The following CD109 variants were observed in gnomAD, a reference collection of about 807,000 sequenced individuals.
The protein encoded by CD109 is CD109 antigen.
In CD109, 149 loss-of-function variants were observed where a neutral mutation model predicts 165.8. The ratio of observed to expected loss-of-function variants is 0.90; its 90% confidence interval spans 0.79 to 1.03. The LOEUF (loss-of-function observed/expected upper bound fraction) is 1.03. Ranked by LOEUF, CD109 falls within the 50% of genes least tolerant of loss-of-function variation. The pLI is 0.00. For synonymous variants in CD109, 585 were observed against 592.1 expected, an observed-to-expected ratio of 0.99 and a Z score of 0.18; for missense variants, 1,712 against 1,677.8, an observed-to-expected ratio of 1.02 and a Z score of -0.36.
chr6:73,709,840 C>T (rs1420774634), intron 2 of CD109, among the ~76,000 whole-genome samples: 3 of 152,120 alleles, frequency 2.0e-5, no homozygotes, highest in Non-Finnish European at 4.4e-5. Context: ...AAGACAAAAA[C>T]CACATGATTA....
At position 73,705,805 on chromosome 6, in the gene CD109, C is replaced by T. The variant is rs138740444; in HGVS notation, c.247+8233C>T. Among the ~76,000 whole-genome samples the T allele has an allele frequency of 5.3e-4, 81 of 152,216 alleles. 1 individual carries two copies. Among genetic ancestry groups the T allele is most frequent in the African/African-American group, 1.6e-3 (66 of 41,524 alleles). On this transcript the variant is annotated intron_variant, in intron 2 of 32. Coordinates refer to ENST00000287097, the MANE Select transcript of CD109 (RefSeq NM_133493.5). ...AGGACAGAGGAAAGAACATTGGTGACGCTTAAGTAAATGGCTTTAAGTTGA... is the reference window on the plus strand; with the variant it reads ...AGGACAGAGGAAAGAACATTGGTGATGCTTAAGTAAATGGCTTTAAGTTGA...
chr6:73,821,723 G>C (rs1025507794), intron 32 of CD109, among the ~76,000 whole-genome samples: 1 of 152,154 alleles, frequency 6.6e-6, no homozygotes, highest in Non-Finnish European at 1.5e-5. Context: ...GACTTCAAAA[G>C]TGGGGAGGGA....
At chr6:73,748,116 T>C (rs1220391177) in intron 5 of CD109, among the ~76,000 whole-genome samples, 1 of 152,108 alleles carries the variant, frequency 6.6e-6, no homozygotes, top group Non-Finnish European at 1.5e-5. Context: ...GTGATCTGCC[T>C]GCCTCAACCT....
chr6:73,697,335 G>T, intron 1 of CD109, 65 bp from the exon 2 acceptor site: 1 of 1,482,086 alleles, frequency 6.7e-7, no homozygotes, highest in South Asian at 1.2e-5. Flanking sequence ...GAAATCTGAG[G>T]GTCACAAAAG....
At chr6:73,758,624 T>C (rs1773491588) in intron 6 of CD109, among the ~76,000 whole-genome samples, 2 of 152,140 alleles carry the variant, frequency 1.3e-5, no homozygotes, top group Non-Finnish European at 2.9e-5. Context: ...CCTCAGGTGA[T>C]CCACCTGCCT....
intron 31 of CD109, 87 bp from the exon 32 acceptor site, chr6:73,820,374 C>T: frequency 1.5e-6 from 1 of 679,730 alleles, no homozygotes; most frequent in Non-Finnish European, 2.5e-6. Flanking sequence ...TCTCTGTTTC[C>T]TAAAATGATG....
At chr6:73,821,386 C>A (rs147419921) in intron 32 of CD109, among the ~76,000 whole-genome samples, 12 of 152,232 alleles carry the variant, frequency 7.9e-5, no homozygotes, top group Non-Finnish European at 1.5e-4. Context: ...ACCCAAAGGA[C>A]AATAAATTGT....
At chr6:73,697,261 A>G in intron 1 of CD109, 139 bp from the exon 2 acceptor site, 1 of 656,560 alleles carries the variant, frequency 1.5e-6, no homozygotes, top group Non-Finnish European at 2.7e-6. Context: ...TGCCAAATAG[A>G]GCAGTGGGCA....
chr6:73,818,612 T>G (rs1232892563), intron 31 of CD109, 77 bp downstream of exon 31: 11 of 1,370,918 alleles, frequency 8.0e-6, no homozygotes, highest in Non-Finnish European at 1.1e-5. Context: ...ACTTTAAGTA[T>G]GTTTTCTTTA....
At chr6:73,808,870 T>C (rs565845839) in intron 26 of CD109, among the ~76,000 whole-genome samples, 1 of 150,338 alleles carries the variant, frequency 6.7e-6, no homozygotes, top group African/African-American at 2.4e-5. Flanking sequence ...TGGAAGTGGG[T>C]GGGCAGAAAT....
chr6:73,726,425 G>A (rs1772145644), intron 3 of CD109, among the ~76,000 whole-genome samples: 1 of 152,170 alleles, frequency 6.6e-6, no homozygotes, highest in Non-Finnish European at 1.5e-5. Context: ...TGTTTTTAAT[G>A]TGTAAGTATA....
At chr6:73,769,218 C>T (rs1582130368) in intron 14 of CD109, among the ~76,000 whole-genome samples, 1 of 152,226 alleles carries the variant, frequency 6.6e-6, no homozygotes, top group East Asian at 1.9e-4. Flanking sequence ...AGAATTATTA[C>T]TCTCACTTTG....
chr6:73,758,490 A>C (rs755544972), intron 6 of CD109, among the ~76,000 whole-genome samples: 1 of 152,068 alleles, frequency 6.6e-6, no homozygotes, highest in African/African-American at 2.4e-5. Context: ...GGTTCAAGCG[A>C]TTCTCCTGCC....
chr6:73,776,311 G>A (rs968431005), intron 15 of CD109, among the ~76,000 whole-genome samples: 4 of 152,108 alleles, frequency 2.6e-5, no homozygotes, highest in Non-Finnish European at 5.9e-5. Context: ...GGAGTGCGGT[G>A]GTGTGATCTC....
At chr6:73,804,598 C>T (rs970218628) in intron 24 of CD109, among the ~76,000 whole-genome samples, 4 of 152,168 alleles carry the variant, frequency 2.6e-5, no homozygotes, top group African/African-American at 9.7e-5. Context: ...CTGTATTTGG[C>T]TTGAGGGCCA....
At chr6:73,688,675 G>A in the CD109 span, among the ~76,000 whole-genome samples, 37 of 151,830 alleles carry the variant, frequency 2.4e-4, no homozygotes, top group Admixed American at 4.6e-4. Flanking sequence ...AGGGGAGAAG[G>A]GCTGGAAATG....
At chr6:73,781,176 T>C in intron 16 of CD109, 83 bp from the exon 17 acceptor site, 1 of 1,098,752 alleles carries the variant, frequency 9.1e-7, no homozygotes. Context: ...CACAAGTGAG[T>C]CAGGAGTTTG....
chr6:73,696,558 A>G (rs1451933513), intron 1 of CD109, among the ~76,000 whole-genome samples: 1 of 152,198 alleles, frequency 6.6e-6, no homozygotes. Flanking sequence ...GAGTCATTTT[A>G]TTTTTAGTCC....
chr6:73,739,501 C>T (rs145535354), intron 5 of CD109, among the ~76,000 whole-genome samples: 148 of 152,126 alleles, frequency 9.7e-4, no homozygotes, highest in Middle Eastern at 6.8e-3. Context: ...TTTTACTTTT[C>T]GGTGGCAGTC....
Sources: gnomAD v4.1 joint callset for allele counts (sites outside exome capture counted in the v4.1 genomes callset) on GRCh38, gnomAD v4.1.1 for gene constraint, MANE v1.5 for transcripts, NCBI Gene and HGNC (gene_info 2026-07-23, HGNC 2026-07-21) for gene names.